The following CECR2 variants were observed in gnomAD, a reference collection of about 807,000 sequenced individuals.
CECR2 encodes the protein CECR2 histone acetyl-lysine reader, also known as chromatin remodeling regulator CECR2.
In CECR2, 30 loss-of-function variants were observed where a neutral mutation model predicts 154.5. The ratio of observed to expected loss-of-function variants is 0.19; its 90% CI spans 0.15 to 0.26. The LOEUF is 0.26. Ranked by LOEUF, CECR2 falls within the 10% of genes least tolerant of loss-of-function variation. CECR2 has a pLI of 1.00. For missense variants in CECR2, 1,743 were observed against 1,829.3 expected, an observed-to-expected ratio of 0.95 and a Z score of 0.86; for synonymous variants, 725 against 683.7, an observed-to-expected ratio of 1.06 and a Z score of -0.94.
chr22:17,382,642 C>T (rs2063211996), intron 1 of CECR2, among the ~76,000 whole-genome samples: 2 of 152,322 alleles, frequency 1.3e-5, no homozygotes, highest in East Asian at 1.9e-4. Flanking sequence ...CAGTGGCTCA[C>T]GCCTGTAATC....
chr22:17,376,432 C>T lies in CECR2; in HGVS notation c.126+6523C>T, dbSNP rs541962727. Among the ~76,000 whole-genome samples, 8 of 132,828 alleles carry T rather than the reference C, an allele frequency of 6.0e-5. No individual in the cohort carries two copies. In the South Asian group the frequency reaches 1.1e-3, roughly 19 times the overall value. 87.1% of individuals were successfully genotyped at this position (132,828 alleles called of 152,430 possible). A position where few individuals can be genotyped will look rare whatever the true frequency, so the allele number is the denominator to read the frequency against. Reference sequence around the variant, plus strand: ...ACACCTTGGCAGCATTCAGTACTACCGATCATCTGCCCCTTTGATCAAGGG... The same window carrying T: ...ACACCTTGGCAGCATTCAGTACTACTGATCATCTGCCCCTTTGATCAAGGG... On this transcript the variant is annotated intron_variant, in intron 1 of 18. Transcript: ENST00000262608.
chr22:17,406,331 G>A (rs917641156), intron 1 of CECR2, among the ~76,000 whole-genome samples: 6 of 152,062 alleles, frequency 3.9e-5, no homozygotes, highest in Non-Finnish European at 7.4e-5. Flanking sequence ...GACCAGCCTG[G>A]CCAACATGAC....
At chr22:17,463,245 T>C (rs1386112239) in intron 1 of CECR2, among the ~76,000 whole-genome samples, 1 of 152,058 alleles carries the variant, frequency 6.6e-6, no homozygotes, top group African/African-American at 2.4e-5. Flanking sequence ...TGAGAAGCGA[T>C]GTTAGCGTGT....
At chr22:17,404,014 CTTTGGGAGA>C (rs1380086414) in intron 1 of CECR2, among the ~76,000 whole-genome samples, 1 of 106,070 alleles carries the variant, frequency 9.4e-6, no homozygotes, top group Non-Finnish European at 2.2e-5. Flanking sequence ...AATCCTAGCA[CTTTGGGAGA>C]TGGAGTCAGG....
intron 1 of CECR2, among the ~76,000 whole-genome samples, chr22:17,414,384 C>A (rs1264384673): frequency 6.6e-6 from 1 of 151,252 alleles, no homozygotes; most frequent in Non-Finnish European, 1.5e-5. Flanking sequence ...CCTAAGTTGG[C>A]AAATTATATA....
intron 1 of CECR2, among the ~76,000 whole-genome samples, chr22:17,463,776 A>G (rs1361478548): frequency 6.6e-6 from 1 of 152,002 alleles, no homozygotes; most frequent in East Asian, 1.9e-4. Context: ...GAGCCAGCCT[A>G]ATCGATGGGA....
chr22:17,371,603 AGTT>A (rs1269545139), intron 1 of CECR2, among the ~76,000 whole-genome samples: 1 of 152,214 alleles, frequency 6.6e-6, no homozygotes, highest in Non-Finnish European at 1.5e-5. Context: ...AATCGTGAGT[AGTT>A]TAATTATATC....
chr22:17,548,812 G>C lies in CECR2; in HGVS notation c.3525G>C (p.Arg1175=), dbSNP rs533898781. ...ACCCACATTCTGGAGGCTTTCCCCG[G>C]TATCGCCCCCCACAAGGAATGAGGT... ...SNHPHSGGFP[R]YRPPQGMRYS... is the part of the protein sequence containing the mutation. Residue 1175 remains arginine, a synonymous_variant, in exon 17 of 19, where the codon CGG becomes CGC. Coordinates refer to ENST00000262608, the MANE Select transcript of CECR2 (RefSeq NM_001290047.2). 6.2e-7 allele frequency: 1 copy of C among 1,613,696 alleles called. No individual in the cohort carries two copies. Among genetic ancestry groups the C allele is most frequent in the Non-Finnish European group, 8.5e-7 (1 of 1,179,832 alleles).
rs1463145054 is a variant in CECR2 at position 17,553,651 on chromosome 22, G to A, written c.*811G>A. 1 of 152,250 alleles carries A rather than the reference G, an allele frequency of 6.6e-6. No individual in the cohort carries two copies. The highest frequency in any genetic ancestry group is 1.5e-5 in the Non-Finnish European group (1 of 68,052). The allele number at this position is 152,250 out of a possible 1,614,324, so 9.4% of individuals were successfully genotyped here. Reference sequence around the variant, plus strand: ...TCTCAGGAGACTACTAGAAGCTTCAGCCCGGAAGACAGGCTGCTCTCTCAT... The same window carrying A: ...TCTCAGGAGACTACTAGAAGCTTCAACCCGGAAGACAGGCTGCTCTCTCAT... On this transcript the variant is annotated 3_prime_UTR_variant, in exon 19 of 19. Coordinates refer to ENST00000262608, the MANE Select transcript of CECR2 (RefSeq NM_001290047.2).
chr22:17,448,151 A>G (rs1046072521), intron 1 of CECR2, among the ~76,000 whole-genome samples: 1 of 152,220 alleles, frequency 6.6e-6, no homozygotes. Flanking sequence ...TTTTCATGTC[A>G]GATAATAATC....
upstream of CECR2, among the ~76,000 whole-genome samples, chr22:17,368,653 C>T (rs1989915): frequency 0.018 from 2,754 of 152,282 alleles, 31 homozygotes; most frequent in Admixed American, 0.028. Context: ...GCTTCCCGAT[C>T]TCCTCTGCCC....
rs774093736 is a variant in CECR2 at position 17,499,413 on chromosome 22, C to T, written c.409C>T (p.Leu137=). 6.2e-7 allele frequency: 1 copy of T among 1,613,276 alleles called. No individual in the cohort carries two copies. The highest frequency in any genetic ancestry group is 8.5e-7 in the Non-Finnish European group (1 of 1,179,582). ...CCCTTTTCCGTGCTCTGTGTAGGGC[C>T]TGGATGCAGACAGTCTCCGTGTGGA... ...ADDVFDLLKG[L]DADSLRVEPL... is the part of the protein sequence containing the mutation. Residue 137 remains leucine (L), a synonymous_variant, in exon 4 of 19, where the codon CTG becomes TTG. Transcript: ENST00000262608.
rs73379454 is a variant in CECR2, at chr22:17,466,481, A to G, written c.127-11107A>G. Among the ~76,000 whole-genome samples, 291 of 152,360 alleles carry G rather than the reference A, an allele frequency of 1.9e-3. 1 individual carries two copies. Among genetic ancestry groups the G allele is most frequent in the African/African-American group, 6.9e-3 (286 of 41,600 alleles). ...GTCAGCCCATAGTTTAGTTATCTGTAAAATGATGCCATTAATACCTACTTT... is the reference window on the plus strand; with the variant it reads ...GTCAGCCCATAGTTTAGTTATCTGTGAAATGATGCCATTAATACCTACTTT... On this transcript the variant is annotated intron_variant, in intron 1 of 18. Transcript: ENST00000262608.
At chr22:17,397,384 C>T (rs1186604113) in intron 1 of CECR2, among the ~76,000 whole-genome samples, 9 of 152,100 alleles carry the variant, frequency 5.9e-5, no homozygotes, top group Non-Finnish European at 1.2e-4. Flanking sequence ...CACCCGCCTT[C>T]GCCTCCCAAA....
At position 17,537,210 on chromosome 22, in the gene CECR2, G is replaced by C; in HGVS notation, c.1216G>C (p.Glu406Gln). Residue 406 changes from glutamate (E) to glutamine (Q), a missense_variant, in exon 10 of 19, where the codon GAG becomes CAG. Transcript: ENST00000262608. ...SHLDPNSPMR[E>Q]EKKTKDLFEL... is the part of the protein sequence containing the mutation. ...TCTGGACCCCAATTCCCCCATGAGA[G>C]AGGAAAAAAAGACTAAAGACCTGTG... is the stretch of plus-strand genomic sequence containing the variant. 1 of 1,612,476 alleles carries C rather than the reference G, an allele frequency of 6.2e-7. No individual in the cohort carries two copies. Among genetic ancestry groups the C allele is most frequent in the Non-Finnish European group, 8.5e-7 (1 of 1,179,472 alleles).
chr22:17,406,944 C>T (rs2053993557), intron 1 of CECR2, among the ~76,000 whole-genome samples: 1 of 152,136 alleles, frequency 6.6e-6, no homozygotes, highest in Non-Finnish European at 1.5e-5. Context: ...TTCTTGAACA[C>T]TGGTGAGGTA....
chr22:17,363,422 C>G (rs1393979391), intron 1 of CECR2, among the ~76,000 whole-genome samples: 1 of 152,116 alleles, frequency 6.6e-6, no homozygotes, highest in African/African-American at 2.4e-5. Flanking sequence ...CGAGACCAGG[C>G]TGGTCTCGAA....
chr22:17,408,790 C>T (rs749923264), intron 1 of CECR2, among the ~76,000 whole-genome samples: 3 of 152,216 alleles, frequency 2.0e-5, no homozygotes, highest in Non-Finnish European at 4.4e-5. Flanking sequence ...GAAACAAAAG[C>T]AAGCATAGTA....
At position 17,542,568 on chromosome 22, in the gene CECR2, A is replaced by T. The variant is rs2147032149; in HGVS notation, c.2425A>T (p.Met809Leu). 4 of 1,613,924 alleles carry T rather than the reference A, an allele frequency of 2.5e-6. No homozygotes were observed. Among genetic ancestry groups the T allele is most frequent in the African/African-American group, 2.7e-5 (2 of 75,018 alleles). Reference sequence around the variant, plus strand: ...CCAGCCTCGCACTCTCGGTCACGTGATGGATTCCCGAGTCATGAGACCACC... The same window carrying T: ...CCAGCCTCGCACTCTCGGTCACGTGTTGGATTCCCGAGTCATGAGACCACC... ...SHQPRTLGHV[M>L]DSRVMRPPVP... is the part of the protein sequence containing the mutation. Residue 809 changes from methionine (M) to leucine (L), a missense_variant, in exon 16 of 19, where the codon ATG (methionine) becomes TTG (leucine). Physicochemically the swap from Met to Leu is conservative, Grantham distance 15 (BLOSUM62 2). This residue lies in a region of CECR2 where 1,250 missense variants were observed against 1,192.1 expected (regional missense o/e 1.05). Transcript: ENST00000262608.
Sources: gnomAD v4.1 joint callset for allele counts (sites outside exome capture counted in the v4.1 genomes callset) on GRCh38, gnomAD v4.1.1 for gene constraint, gnomAD v4.1.1 regional missense constraint, MANE v1.5 for transcripts, NCBI Gene and HGNC (gene_info 2026-07-23, HGNC 2026-07-21) for gene names.